Variants in ZCCHC17 observed in about 807,000 individuals in gnomAD.
ZCCHC17 encodes zinc finger CCHC domain-containing protein 17.
Under a neutral mutation model 30.6 loss-of-function variants are expected in ZCCHC17, and 18 were observed. That is an observed-to-expected ratio of 0.59 (90% CI 0.41 to 0.87). ZCCHC17 has a LOEUF of 0.87. Ranked by LOEUF, ZCCHC17 falls within the 40% of genes least tolerant of loss-of-function variation. The probability of loss-of-function intolerance (pLI) is 0.00; values close to 1 mark genes in which losing one functional copy is unlikely to be tolerated. For missense variants in ZCCHC17, 263 were observed against 284.2 expected, an observed-to-expected ratio of 0.93 and a Z score of 0.54; for synonymous variants, 88 against 92.4, an observed-to-expected ratio of 0.95 and a Z score of 0.27.
intron 6 of ZCCHC17, among the ~76,000 whole-genome samples, chr1:31,347,139 C>CT (rs1639304773): frequency 6.6e-6 from 1 of 152,180 alleles, no homozygotes; most frequent in African/African-American, 2.4e-5. Flanking sequence ...AAGTCAGACT[C>CT]TCATCTTTAT....
At position 31,338,980 on chromosome 1, in the gene ZCCHC17, AT is replaced by A. The variant is rs753329750; in HGVS notation, c.250del (p.Ser84ProfsTer4). 6.2e-7 allele frequency: 1 copy of A among 1,611,760 alleles called. No homozygotes were observed. The highest frequency in any genetic ancestry group is 1.1e-5 in the South Asian group (1 of 90,304). Reference protein sequence around the residue: ...REMKNDRIKVSLSMKVVNQGT... With the variant: ...REMKNDRIKVXLSMKVVNQGT... ...AGATGAAAAATGATAGAATAAAAGT[AT>A]CCCTCTCCATGAAGGTTGTCAATCA... On this transcript the variant is annotated frameshift_variant, in exon 5 of 8. Coordinates refer to ENST00000344147, the MANE Select transcript of ZCCHC17 (RefSeq NM_016505.4). LOFTEE classifies it high-confidence loss of function.
chr1:31,321,102 A>C (rs74355839), intron 3 of ZCCHC17, among the ~76,000 whole-genome samples: 7 of 152,252 alleles, frequency 4.6e-5, no homozygotes, highest in African/African-American at 1.7e-4. Context: ...CAAATCTGAT[A>C]TATTTTGGCT....
intron 5 of ZCCHC17, among the ~76,000 whole-genome samples, chr1:31,341,666 AAG>A (rs925046828): frequency 7.2e-5 from 11 of 152,214 alleles, no homozygotes; most frequent in African/African-American, 2.4e-4. Context: ...TTGAATCAGA[AAG>A]AGTACTGGTT....
intron 4 of ZCCHC17, among the ~76,000 whole-genome samples, chr1:31,338,133 C>T (rs1471914628): frequency 6.8e-6 from 1 of 146,570 alleles, no homozygotes; most frequent in Non-Finnish European, 1.5e-5. Flanking sequence ...CTAAACCTGG[C>T]CTTTTTTTTT....
chr1:31,306,934 T>G (rs926892856), intron 1 of ZCCHC17, among the ~76,000 whole-genome samples: 24 of 151,728 alleles, frequency 1.6e-4, no homozygotes, highest in Admixed American at 8.5e-4. Flanking sequence ...GCCTCCCGGG[T>G]TCAAGCAATT....
intron 7 of ZCCHC17, among the ~76,000 whole-genome samples, chr1:31,351,330 C>G (rs1639462632): frequency 6.6e-6 from 1 of 152,140 alleles, no homozygotes; most frequent in African/African-American, 2.4e-5. Flanking sequence ...CAGTTTATCC[C>G]CTCACTTCTC....
intron 1 of ZCCHC17, among the ~76,000 whole-genome samples, chr1:31,299,093 G>A (rs1646242027): frequency 1.3e-5 from 2 of 152,202 alleles, no homozygotes; most frequent in South Asian, 2.1e-4. Context: ...TGGGCCAAAA[G>A]CCAGATATGA....
chr1:31,324,791 A>C (rs1638269390), intron 3 of ZCCHC17, among the ~76,000 whole-genome samples: 1 of 151,742 alleles, frequency 6.6e-6, no homozygotes, highest in Non-Finnish European at 1.5e-5. Flanking sequence ...GGCACAGAAC[A>C]ACTGGGCGTC....
chr1:31,349,959 C>G (rs994697174), intron 7 of ZCCHC17, among the ~76,000 whole-genome samples: 8 of 152,214 alleles, frequency 5.3e-5, no homozygotes, highest in Admixed American at 4.6e-4. Context: ...GCTCTTGATA[C>G]ATTTTATCAA....
At chr1:31,351,088 A>G (rs1284674260) in intron 7 of ZCCHC17, among the ~76,000 whole-genome samples, 1 of 152,122 alleles carries the variant, frequency 6.6e-6, no homozygotes, top group Non-Finnish European at 1.5e-5. Flanking sequence ...ACACACACAC[A>G]CTACCACCAT....
intron 5 of ZCCHC17, among the ~76,000 whole-genome samples, chr1:31,342,111 T>C (rs1329355833): frequency 2.6e-5 from 4 of 152,162 alleles, no homozygotes; most frequent in African/African-American, 9.7e-5. Context: ...AGTGGTACAA[T>C]CGTGGCTCAC....
intron 3 of ZCCHC17, among the ~76,000 whole-genome samples, chr1:31,335,045 G>C (rs560837670): frequency 6.6e-6 from 1 of 152,320 alleles, no homozygotes; most frequent in East Asian, 1.9e-4. Context: ...CTTGTCAGGG[G>C]CTTCCAGGAT....
At chr1:31,345,897 C>CA (rs1448764537) in intron 5 of ZCCHC17, among the ~76,000 whole-genome samples, 1 of 152,062 alleles carries the variant, frequency 6.6e-6, no homozygotes, top group East Asian at 1.9e-4. Context: ...CCTCCCCCAA[C>CA]ACTGGGAATT....
intron 7 of ZCCHC17, among the ~76,000 whole-genome samples, chr1:31,361,486 T>C (rs767091799): frequency 1.4e-4 from 21 of 152,256 alleles, no homozygotes; most frequent in Non-Finnish European, 2.1e-4. Context: ...TCAAAAAAGT[T>C]AAATCCCTTG....
At chr1:31,361,706 G>T (rs1294283445) in intron 7 of ZCCHC17, among the ~76,000 whole-genome samples, 1 of 152,214 alleles carries the variant, frequency 6.6e-6, no homozygotes, top group African/African-American at 2.4e-5. Context: ...TCTGGGACAA[G>T]TGGCTTTCAA....
chr1:31,363,174 G>T (rs1305942009), intron 7 of ZCCHC17, among the ~76,000 whole-genome samples: 5 of 147,652 alleles, frequency 3.4e-5, no homozygotes, highest in African/African-American at 1.0e-4. Flanking sequence ...TGTTTGCAAT[G>T]TCTTATACTT....
At chr1:31,313,068 CTTTTTTTT>C (rs59004055) in intron 2 of ZCCHC17, among the ~76,000 whole-genome samples, 4 of 113,486 alleles carry the variant, frequency 3.5e-5, no homozygotes, top group Admixed American at 1.0e-4. Context: ...CACTGGGCCT[CTTTTTTTT>C]TTTTTTTTTT....
At chr1:31,310,474 A>C (rs1203975490) in intron 2 of ZCCHC17, among the ~76,000 whole-genome samples, 1 of 152,264 alleles carries the variant, frequency 6.6e-6, no homozygotes, top group Admixed American at 6.5e-5. Context: ...CAGTGCATCA[A>C]CGTTGGGAGG....
chr1:31,346,847 C>T, intron 6 of ZCCHC17, 107 bp downstream of exon 6: 2 of 1,546,008 alleles, frequency 1.3e-6, no homozygotes, highest in African/African-American at 1.4e-5. Context: ...GTTTTTTAGC[C>T]AAGTGATGGC....
Sources: allele counts gnomAD v4.1 joint callset (sites outside exome capture counted in the v4.1 genomes callset), GRCh38; gene constraint gnomAD v4.1.1; transcripts MANE v1.5; gene names NCBI Gene and HGNC (gene_info 2026-07-23, HGNC 2026-07-21).